The following DPYD variants were observed in gnomAD, a reference collection of about 807,000 sequenced individuals.
DPYD encodes dihydropyrimidine dehydrogenase [NADP(+)].
A neutral mutation model predicts 116.2 loss-of-function variants in DPYD; 109 were observed. The ratio of observed to expected loss-of-function variants is 0.94; its 90% confidence interval spans 0.80 to 1.10. The LOEUF is 1.10. Among genes scored for constraint, DPYD ranks in the 50% least tolerant of loss-of-function variants. The probability of loss-of-function intolerance (pLI) is 0.00; values close to 1 mark genes in which losing one functional copy is unlikely to be tolerated. For missense variants in DPYD, 1,302 were observed against 1,254.5 expected (o/e 1.04, Z -0.57); for synonymous variants, 440 against 432.0 (o/e 1.02, Z -0.23).
At chr1:97,243,768 A>C (rs541501780) in intron 18 of DPYD, among the ~76,000 whole-genome samples, 88 of 152,116 alleles carry the variant, frequency 5.8e-4, no homozygotes, top group Non-Finnish European at 9.6e-4. Context: ...GTAACCATAT[A>C]GCCCAGTTTG....
intron 8 of DPYD, among the ~76,000 whole-genome samples, chr1:97,672,430 T>C (rs1412961261): frequency 6.6e-6 from 1 of 152,148 alleles, no homozygotes; most frequent in Non-Finnish European, 1.5e-5. Context: ...ATTTCCCTCA[T>C]TTCCAAAATC....
At chr1:97,689,274 G>C (rs969347258) in intron 7 of DPYD, among the ~76,000 whole-genome samples, 9 of 151,916 alleles carry the variant, frequency 5.9e-5, no homozygotes, top group Non-Finnish European at 1.0e-4. Context: ...AAAGATAGTT[G>C]GGAGTGAAGA....
intron 20 of DPYD, among the ~76,000 whole-genome samples, chr1:97,175,662 A>G (rs1442559964): frequency 6.6e-6 from 1 of 152,196 alleles, no homozygotes; most frequent in African/African-American, 2.4e-5. Context: ...TTTCTCAACT[A>G]TACCTTATTT....
Position 97,158,326 on chromosome 1 carries a change from C to T in DPYD, c.2622+34743G>A, listed in dbSNP as rs182312276. 3.3e-5 allele frequency among the ~76,000 whole-genome samples: 5 copies of T among 151,996 alleles called. No homozygotes were observed. In the East Asian group the frequency reaches 5.8e-4, roughly 18 times the overall value. The stretch of plus-strand genomic sequence containing the variant: ...TAAGTCTTCAAATTTTACTAGTTTG[C>T]AATATGAAAAAGTTTTATATCTAGG... On this transcript the variant is annotated intron_variant, in intron 20 of 22. Transcript: ENST00000370192.
intron 8 of DPYD, among the ~76,000 whole-genome samples, chr1:97,636,179 T>A (rs143670714): frequency 2.0e-5 from 3 of 152,038 alleles, no homozygotes; most frequent in Non-Finnish European, 4.4e-5. Context: ...CTTAGCATCA[T>A]TTTTGGCTTC....
chr1:97,579,487 A>C (rs1653493153), intron 10 of DPYD, among the ~76,000 whole-genome samples: 1 of 152,232 alleles, frequency 6.6e-6, no homozygotes, highest in Admixed American at 6.5e-5. Context: ...GTTCCTCATC[A>C]GTTGTCAAGT....
intron 16 of DPYD, among the ~76,000 whole-genome samples, chr1:97,336,305 T>C (rs376434909): frequency 4.6e-5 from 7 of 152,312 alleles, no homozygotes; most frequent in African/African-American, 1.4e-4. Flanking sequence ...TTGAAAGTTT[T>C]ACAGCAGTTT....
At chr1:97,269,040 C>T (rs980465341) in intron 18 of DPYD, among the ~76,000 whole-genome samples, 2 of 152,092 alleles carry the variant, frequency 1.3e-5, no homozygotes, top group Non-Finnish European at 2.9e-5. Flanking sequence ...CATATAGCAC[C>T]TTGAATGCTT....
At chr1:97,674,816 T>C (rs1039288714) in intron 8 of DPYD, among the ~76,000 whole-genome samples, 3 of 152,206 alleles carry the variant, frequency 2.0e-5, no homozygotes, top group Non-Finnish European at 4.4e-5. Flanking sequence ...TTCTTTATTG[T>C]TTTTTAAATT....
chr1:97,438,484 T>C (rs1322367491), intron 14 of DPYD, among the ~76,000 whole-genome samples: 3 of 152,064 alleles, frequency 2.0e-5, no homozygotes, highest in South Asian at 4.1e-4. Context: ...CTGTAAATGA[T>C]ATATTTATTT....
At chr1:97,822,069 T>C (rs1174651128) in intron 3 of DPYD, among the ~76,000 whole-genome samples, 5 of 151,560 alleles carry the variant, frequency 3.3e-5, no homozygotes, top group Non-Finnish European at 5.9e-5. Flanking sequence ...ATTCATAATA[T>C]ATTCCCATTA....
intron 15 of DPYD, among the ~76,000 whole-genome samples, chr1:97,379,842 T>C (rs1200158247): frequency 6.6e-6 from 1 of 152,186 alleles, no homozygotes; most frequent in Non-Finnish European, 1.5e-5. Context: ...CTTCCTTTCC[T>C]AGAAAGTGAT....
At chr1:97,097,829 A>G (rs1426263059) in intron 21 of DPYD, among the ~76,000 whole-genome samples, 2 of 152,160 alleles carry the variant, frequency 1.3e-5, no homozygotes. Flanking sequence ...GTGTTATCAT[A>G]CTATAGTTTT....
At chr1:97,200,191 T>A (rs1183873793) in intron 19 of DPYD, among the ~76,000 whole-genome samples, 1 of 152,152 alleles carries the variant, frequency 6.6e-6, no homozygotes, top group East Asian at 1.9e-4. Context: ...ACAACTCAGA[T>A]AAACCCATGA....
At chr1:97,588,711 A>T (rs1405280135) in intron 10 of DPYD, among the ~76,000 whole-genome samples, 1 of 152,094 alleles carries the variant, frequency 6.6e-6, no homozygotes, top group African/African-American at 2.4e-5. Flanking sequence ...TTCCCTAAGG[A>T]CCCATGGCTG....
chr1:97,165,457 T>C (rs1429872605), intron 20 of DPYD, among the ~76,000 whole-genome samples: 1 of 151,540 alleles, frequency 6.6e-6, no homozygotes, highest in Non-Finnish European at 1.5e-5. Context: ...AATGTAAAAC[T>C]CTATAAAAAC....
chr1:97,234,448 C>T (rs1393152967), intron 19 of DPYD, among the ~76,000 whole-genome samples: 1 of 152,056 alleles, frequency 6.6e-6, no homozygotes, highest in African/African-American at 2.4e-5. Context: ...CTTTGGCTGC[C>T]AGGAATCTCA....
chr1:97,445,110 T>C (rs990943426), intron 14 of DPYD, among the ~76,000 whole-genome samples: 5 of 152,142 alleles, frequency 3.3e-5, no homozygotes, highest in Non-Finnish European at 7.4e-5. Context: ...AGATAAGCAA[T>C]ATAAAAACAA....
At chr1:97,907,130 T>G (rs1481181824) in intron 1 of DPYD, among the ~76,000 whole-genome samples, 1 of 152,048 alleles carries the variant, frequency 6.6e-6, no homozygotes, top group Non-Finnish European at 1.5e-5. Flanking sequence ...CAATGAAAGA[T>G]TTCATCACAT....
Sources: gnomAD v4.1 joint callset for allele counts (sites outside exome capture counted in the v4.1 genomes callset) on GRCh38, gnomAD v4.1.1 for gene constraint, MANE v1.5 for transcripts, NCBI Gene and HGNC (gene_info 2026-07-23, HGNC 2026-07-21) for gene names.